PAQR5: variants seen among roughly 807,000 people sequenced by gnomAD.
PAQR5 encodes the protein membrane progestin receptor gamma.
A neutral mutation model predicts 34.5 loss-of-function variants in PAQR5; 20 were observed. The observed-to-expected ratio is 0.58, with a 90% CI of 0.41 to 0.84. The LOEUF is 0.84. Ranked by LOEUF, PAQR5 falls within the 40% of genes least tolerant of loss-of-function variation. PAQR5 has a pLI of 0.00. For missense variants in PAQR5, 378 were observed against 412.7 expected (o/e 0.92, Z 0.73); for synonymous variants, 131 against 155.6 (o/e 0.84, Z 1.18).
chr15:69,374,608 C>T (rs2055654481), intron 3 of PAQR5, among the ~76,000 whole-genome samples: 1 of 152,138 alleles, frequency 6.6e-6, no homozygotes, highest in Non-Finnish European at 1.5e-5. Context: ...ACCCAGGAGG[C>T]AGAGCTTGCA....
chr15:69,329,204 GAC>G (rs1567001916), intron 1 of PAQR5, among the ~76,000 whole-genome samples: 1 of 152,008 alleles, frequency 6.6e-6, no homozygotes, highest in Admixed American at 6.6e-5. Context: ...TGTCCCCAGT[GAC>G]ACACACACAT....
intron 1 of PAQR5, among the ~76,000 whole-genome samples, chr15:69,319,211 A>G (rs1267747383): frequency 8.6e-6 from 1 of 116,890 alleles, no homozygotes; most frequent in African/African-American, 3.4e-5. Context: ...ATATATATAT[A>G]TGAATGTGGT....
chr15:69,332,106 C>CTAT (rs950121638), intron 1 of PAQR5, among the ~76,000 whole-genome samples: 37 of 152,298 alleles, frequency 2.4e-4, no homozygotes, highest in African/African-American at 7.9e-4. Flanking sequence ...AAACAGTAAA[C>CTAT]TATTGGTCTC....
chr15:69,397,123 G>T, intron 6 of PAQR5: 4 of 447,110 alleles, frequency 8.9e-6, no homozygotes, highest in Non-Finnish European at 1.8e-5. Flanking sequence ...CCCGTTCCCT[G>T]TCCCTGTAGC....
intron 2 of PAQR5, among the ~76,000 whole-genome samples, chr15:69,344,364 C>G (rs964182287): frequency 6.6e-6 from 1 of 152,198 alleles, no homozygotes; most frequent in African/African-American, 2.4e-5. Context: ...TCGCATATCT[C>G]TAATTCCACT....
chr15:69,345,089 G>A (rs2054734360), intron 2 of PAQR5, among the ~76,000 whole-genome samples: 1 of 151,054 alleles, frequency 6.6e-6, no homozygotes, highest in Non-Finnish European at 1.5e-5. Context: ...GTGAGACCCT[G>A]TCGTGAAAGA....
chr15:69,359,264 T>C lies in PAQR5; in HGVS notation c.-115-702T>C, dbSNP rs1595892071. 3.9e-5 allele frequency among the ~76,000 whole-genome samples: 6 copies of C among 152,262 alleles called. No individual in the cohort carries two copies. The South Asian group carries it at 1.2e-3, about 32-fold the overall frequency. On this transcript the variant is annotated intron_variant, in intron 2 of 8. Transcript: ENST00000395407. ...GAGATTAGGTTTTGACACATGAATT[T>C]TGGGGAGACACAAACATTCAGACCA...
chr15:69,339,810 C>T (rs1595872035), intron 2 of PAQR5, among the ~76,000 whole-genome samples: 1 of 151,372 alleles, frequency 6.6e-6, no homozygotes, highest in Non-Finnish European at 1.5e-5. Flanking sequence ...GCATGTGTGA[C>T]TCTAGGTGGA....
chr15:69,326,704 T>C (rs1008831094), intron 1 of PAQR5, among the ~76,000 whole-genome samples: 4 of 152,200 alleles, frequency 2.6e-5, no homozygotes, highest in Admixed American at 2.0e-4. Context: ...CCCAAAGTGC[T>C]GGGATTACAG....
At chr15:69,344,326 G>A (rs965433290) in intron 2 of PAQR5, among the ~76,000 whole-genome samples, 7 of 152,122 alleles carry the variant, frequency 4.6e-5, no homozygotes, top group South Asian at 2.1e-4. Flanking sequence ...TAGCTGTCAT[G>A]CCAGAGAGAG....
intron 2 of PAQR5, among the ~76,000 whole-genome samples, chr15:69,348,341 G>A (rs1444755192): frequency 6.6e-6 from 1 of 152,190 alleles, no homozygotes; most frequent in Non-Finnish European, 1.5e-5. Context: ...TACAAATGGG[G>A]AAACTGAAGC....
intron 3 of PAQR5, among the ~76,000 whole-genome samples, chr15:69,360,567 G>C (rs958226478): frequency 1.3e-5 from 2 of 152,180 alleles, no homozygotes; most frequent in Non-Finnish European, 2.9e-5. Flanking sequence ...TGGGGCGATG[G>C]GGAGGGTTGT....
intron 1 of PAQR5, among the ~76,000 whole-genome samples, chr15:69,324,817 C>T (rs897266489): frequency 1.3e-5 from 2 of 152,164 alleles, no homozygotes; most frequent in Non-Finnish European, 2.9e-5. Flanking sequence ...CCTCCATGGC[C>T]CTGTCCTGCT....
intron 2 of PAQR5, among the ~76,000 whole-genome samples, chr15:69,337,807 A>C (rs2054544922): frequency 6.6e-6 from 1 of 152,090 alleles, no homozygotes; most frequent in East Asian, 1.9e-4. Flanking sequence ...CTTTTAAAAA[A>C]ATGGGGACTG....
intron 1 of PAQR5, among the ~76,000 whole-genome samples, chr15:69,317,703 T>C (rs1038677837): frequency 3.3e-5 from 5 of 152,192 alleles, no homozygotes; most frequent in African/African-American, 1.2e-4. Context: ...AGCAGCTCCC[T>C]GGACGCTCCC....
chr15:69,337,078 A>G (rs944106648), intron 1 of PAQR5, among the ~76,000 whole-genome samples: 2 of 152,262 alleles, frequency 1.3e-5, no homozygotes, highest in African/African-American at 4.8e-5. Flanking sequence ...GAAAAAAGGA[A>G]ACTTCTAGGA....
At chr15:69,377,436 G>A (rs1211452426) in intron 3 of PAQR5, among the ~76,000 whole-genome samples, 6 of 152,166 alleles carry the variant, frequency 3.9e-5, no homozygotes, top group Non-Finnish European at 5.9e-5. Context: ...ACCATAAACC[G>A]GGGATGTCAG....
chr15:69,310,119 G>C (rs1019291033), intron 1 of PAQR5, among the ~76,000 whole-genome samples: 1 of 152,130 alleles, frequency 6.6e-6, no homozygotes, highest in Non-Finnish European at 1.5e-5. Flanking sequence ...CTTGCTTATG[G>C]ATGTCACATA....
chr15:69,332,451 TTCATG>T (rs2054403478), intron 1 of PAQR5, among the ~76,000 whole-genome samples: 1 of 152,070 alleles, frequency 6.6e-6, no homozygotes, highest in African/African-American at 2.4e-5. Context: ...AATTTTGGGG[TTCATG>T]TCATAGTCCT....
Sources: allele counts gnomAD v4.1 joint callset (sites outside exome capture counted in the v4.1 genomes callset), GRCh38; gene constraint gnomAD v4.1.1; transcripts MANE v1.5; gene names NCBI Gene and HGNC (gene_info 2026-07-23, HGNC 2026-07-21).